GALNT11: variants seen among roughly 807,000 people sequenced by gnomAD.
GALNT11 encodes the protein polypeptide N-acetylgalactosaminyltransferase 11.
Under a neutral mutation model 72.7 loss-of-function variants are expected in GALNT11, and 47 were observed. The observed-to-expected ratio is 0.65, with a 90% confidence interval of 0.51 to 0.82. The LOEUF is 0.82. Ranked by LOEUF, GALNT11 falls within the 40% of genes least tolerant of loss-of-function variation. The probability of loss-of-function intolerance (pLI) is 0.00; values close to 1 mark genes in which losing one functional copy is unlikely to be tolerated. For synonymous variants in GALNT11, 270 were observed against 286.6 expected, an observed-to-expected ratio of 0.94 and a Z score of 0.58; for missense variants, 677 against 778.4, an observed-to-expected ratio of 0.87 and a Z score of 1.55.
intron 1 of GALNT11, among the ~76,000 whole-genome samples, chr7:152,071,963 C>G (rs938601085): frequency 7.2e-5 from 10 of 137,944 alleles, no homozygotes; most frequent in Admixed American, 6.6e-4. Flanking sequence ...GAGCCAAGAT[C>G]ATGCCACTGC....
intron 1 of GALNT11, among the ~76,000 whole-genome samples, chr7:152,042,021 A>C (rs1207901584): frequency 1.3e-5 from 2 of 152,230 alleles, no homozygotes; most frequent in Non-Finnish European, 2.9e-5. Context: ...TATCATGCAT[A>C]TAATGGATAA....
intron 1 of GALNT11, among the ~76,000 whole-genome samples, chr7:152,083,125 ACTTGT>A (rs1210065868): frequency 1.3e-5 from 2 of 152,054 alleles, no homozygotes; most frequent in Admixed American, 1.3e-4. Context: ...CTAGTTTGTC[ACTTGT>A]CTTTTTACTT....
In GALNT11 at chr7:152,094,591, A is replaced by G. The variant is rs755455441; in HGVS notation, c.295+69A>G. 13 of 1,462,354 alleles carry G rather than the reference A, an allele frequency of 8.9e-6. No homozygotes were observed. Among genetic ancestry groups the G allele is most frequent in the Non-Finnish European group, 8.3e-6 (9 of 1,090,512 alleles). The allele number at this position is 1,462,354 out of a possible 1,614,324, so 90.6% of individuals were successfully genotyped here. On this transcript the variant is annotated intron_variant, in intron 2 of 11. Transcript: ENST00000430044. This position sits in a 1 kb window ranked among gnomAD's most constrained non-coding sequence, Gnocchi z 4.3. The stretch of plus-strand genomic sequence containing the variant: ...TCACTGGAAGTTTGATTAATTAGTT[A>G]ATTAGGAGATCAGAAATGCTGCATC...
rs6150397 is a variant in GALNT11, at chr7:152,113,712, C to CTTT, written c.1233+354_1233+356dup. On this transcript the variant is annotated intron_variant, in intron 8 of 11. Coordinates refer to ENST00000430044, the MANE Select transcript of GALNT11 (RefSeq NM_022087.4). ...TGTGACGCCTGCAAAAGTTGGCTTT[C>CTTT]TTTTTTTTTTTTTTTTTTTTTTTTT... is the stretch of plus-strand genomic sequence containing the variant. Among the ~76,000 whole-genome samples the CTTT allele has an allele frequency of 2.0e-3, 193 of 96,952 alleles. 15 individuals are homozygous for CTTT. Among genetic ancestry groups the CTTT allele is most frequent in the Non-Finnish European group, 2.5e-3 (122 of 49,484 alleles). 63.6% of individuals were successfully genotyped at this position (96,952 alleles called of 152,430 possible).
intron 1 of GALNT11, among the ~76,000 whole-genome samples, chr7:152,083,978 G>C (rs562760291): frequency 7.2e-5 from 11 of 152,210 alleles, no homozygotes; most frequent in Middle Eastern, 3.4e-3. Flanking sequence ...GACTTTTTGT[G>C]GGGGAGGTTC....
At chr7:152,115,131 G>T (rs144074603) in intron 8 of GALNT11, among the ~76,000 whole-genome samples, 1 of 152,202 alleles carries the variant, frequency 6.6e-6, no homozygotes, top group Non-Finnish European at 1.5e-5. Context: ...ATCATCACTG[G>T]CTACCATAGT....
At chr7:152,036,124 T>C (rs1333002685) in intron 1 of GALNT11, among the ~76,000 whole-genome samples, 1 of 152,228 alleles carries the variant, frequency 6.6e-6, no homozygotes, top group Admixed American at 6.5e-5. Context: ...TTAAAGTTAC[T>C]TTAAAATGTG....
chr7:152,052,850 T>C (rs1315470497), intron 1 of GALNT11, among the ~76,000 whole-genome samples: 1 of 152,220 alleles, frequency 6.6e-6, no homozygotes, highest in Non-Finnish European at 1.5e-5. Context: ...ATCAGTGTTC[T>C]CTCAAATGTG....
chr7:152,038,074 T>G (rs763305357), intron 1 of GALNT11, among the ~76,000 whole-genome samples: 3 of 152,186 alleles, frequency 2.0e-5, no homozygotes, highest in Non-Finnish European at 4.4e-5. Flanking sequence ...CCAGCCCGTC[T>G]TCTTCAATTT....
chr7:152,113,325 G>C lies in GALNT11; in HGVS notation c.1160G>C (p.Gly387Ala), dbSNP rs767704006. The change falls in exon 8 of 12, where the codon GGA (glycine) becomes GCA (alanine). Residue 387 changes from glycine to alanine, a missense_variant. Coordinates refer to ENST00000430044, the MANE Select transcript of GALNT11 (RefSeq NM_022087.4). ...GHIFRKRRPY[G>A]SPEGQDTMTH... is the part of the protein sequence containing the mutation. The stretch of plus-strand genomic sequence containing the variant: ...ATTTTCCGAAAAAGGCGACCATATG[G>C]ATCTCCCGAAGGCCAGGACACCATG... 4.3e-6 allele frequency: 7 copies of C among 1,613,998 alleles called. No individual in the cohort carries two copies. In the Admixed American group the frequency reaches 1.2e-4, roughly 27 times the overall value.
intron 1 of GALNT11, among the ~76,000 whole-genome samples, chr7:152,055,730 T>C (rs1288438316): frequency 6.6e-6 from 1 of 152,116 alleles, no homozygotes; most frequent in Admixed American, 6.6e-5. Context: ...TACAAAAATA[T>C]TAAAGTCATT....
chr7:152,039,371 G>A (rs913507050), intron 1 of GALNT11, among the ~76,000 whole-genome samples: 1 of 152,172 alleles, frequency 6.6e-6, no homozygotes, highest in Non-Finnish European at 1.5e-5. Context: ...CAGAAAGCAT[G>A]TGTAACTGTG....
At chr7:152,047,805 A>G (rs1465058455) in intron 1 of GALNT11, among the ~76,000 whole-genome samples, 1 of 150,680 alleles carries the variant, frequency 6.6e-6, no homozygotes, top group Non-Finnish European at 1.5e-5. Context: ...TTTTAACTCC[A>G]TTCCCTGCTT....
chr7:152,033,568 T>C (rs2082410141), intron 1 of GALNT11, among the ~76,000 whole-genome samples: 1 of 151,936 alleles, frequency 6.6e-6, no homozygotes, highest in African/African-American at 2.4e-5. Flanking sequence ...CTCAAGTGAG[T>C]CTGGTGACAG....
At chr7:152,099,847 C>T (rs2086699416) in intron 2 of GALNT11, among the ~76,000 whole-genome samples, 1 of 149,650 alleles carries the variant, frequency 6.7e-6, no homozygotes, top group South Asian at 2.1e-4. Flanking sequence ...TCACTGCAAC[C>T]TTGATGTCCT....
intron 1 of GALNT11, among the ~76,000 whole-genome samples, chr7:152,030,808 T>C (rs1362565841): frequency 1.3e-5 from 2 of 152,214 alleles, no homozygotes; most frequent in Non-Finnish European, 2.9e-5. Context: ...TCTGTGTCTC[T>C]CTCTGATTTT....
intron 7 of GALNT11, among the ~76,000 whole-genome samples, chr7:152,111,576 T>C (rs6952448): frequency 0.15 from 23,470 of 151,760 alleles, 4,393 homozygotes; most frequent in African/African-American, 0.44. Context: ...CCCTCACTCC[T>C]CTCCCATCTT....
chr7:152,121,226 C>G (rs1167606076), intron 11 of GALNT11, among the ~76,000 whole-genome samples: 1 of 152,204 alleles, frequency 6.6e-6, no homozygotes, highest in African/African-American at 2.4e-5. Flanking sequence ...ACAGTTAGAA[C>G]AGCATACTGT....
intron 8 of GALNT11, 145 bp downstream of exon 8, chr7:152,113,543 C>T: frequency 5.0e-6 from 4 of 802,480 alleles, no homozygotes; most frequent in East Asian, 5.5e-5. Context: ...AGTTTCCCCC[C>T]ACCCCCTTCA....
Sources: allele counts gnomAD v4.1 joint callset (sites outside exome capture counted in the v4.1 genomes callset), GRCh38; gene constraint gnomAD v4.1.1; non-coding constraint Gnocchi (gnomAD v3.1); transcripts MANE v1.5; gene names NCBI Gene and HGNC (gene_info 2026-07-23, HGNC 2026-07-21).